DDX10: variants seen among roughly 807,000 people sequenced by gnomAD.
DDX10 encodes DEAD-box helicase 10.
Under a neutral mutation model 104.3 loss-of-function variants are expected in DDX10, and 74 were observed. The observed-to-expected ratio is 0.71, with a 90% CI of 0.59 to 0.86. The LOEUF is 0.86. Among genes scored for constraint, DDX10 ranks in the 40% least tolerant of loss-of-function variants. DDX10 has a pLI of 0.00. For missense variants in DDX10, 952 were observed against 1,040.0 expected (o/e 0.92, Z 1.16); for synonymous variants, 351 against 353.4 (o/e 0.99, Z 0.08).
At chr11:108,752,071 G>A (rs2094339413) in intron 13 of DDX10, among the ~76,000 whole-genome samples, 3 of 152,080 alleles carry the variant, frequency 2.0e-5, no homozygotes, top group African/African-American at 7.2e-5. Context: ...CTCTCCATGG[G>A]GTAGGTGGAG....
chr11:108,777,585 A>G (rs2094371761), intron 13 of DDX10, among the ~76,000 whole-genome samples: 2 of 152,160 alleles, frequency 1.3e-5, no homozygotes, highest in Admixed American at 6.5e-5. Flanking sequence ...AGCCTCCTGA[A>G]GTGCTGGGAT....
At chr11:108,916,779 T>C (rs1863756535) in intron 16 of DDX10, among the ~76,000 whole-genome samples, 1 of 152,194 alleles carries the variant, frequency 6.6e-6, no homozygotes, top group Non-Finnish European at 1.5e-5. Context: ...GAAATAAATT[T>C]GTCGTGTGAT....
chr11:108,696,255 C>T (rs1393433754), intron 9 of DDX10, among the ~76,000 whole-genome samples: 2 of 152,128 alleles, frequency 1.3e-5, no homozygotes, highest in African/African-American at 4.8e-5. Flanking sequence ...CAGCTCACTG[C>T]AACCTCCGCC....
In DDX10 at chr11:108,675,579, T is replaced by G; in HGVS notation, c.248-17T>G. ...CAGGGATCTTCTAAAGTATAATTCT[T>G]CCCTCCATGTTGCCAGGTTTGCAAG... On this transcript the variant is annotated splice_polypyrimidine_tract_variant and intron_variant, in intron 2 of 17. Coordinates refer to ENST00000322536, the MANE Select transcript of DDX10 (RefSeq NM_004398.4). 6.2e-7 allele frequency: 1 copy of G among 1,612,138 alleles called. No homozygotes were observed. Among genetic ancestry groups the G allele is most frequent in the Non-Finnish European group, 8.5e-7 (1 of 1,179,234 alleles).
At chr11:108,851,891 G>A (rs564074869) in intron 15 of DDX10, among the ~76,000 whole-genome samples, 44 of 152,154 alleles carry the variant, frequency 2.9e-4, no homozygotes, top group African/African-American at 9.2e-4. Context: ...CTGTTAGTGT[G>A]TGTTTTATTT....
At chr11:108,762,142 G>A (rs1344048497) in intron 13 of DDX10, among the ~76,000 whole-genome samples, 2 of 152,066 alleles carry the variant, frequency 1.3e-5, no homozygotes, top group Non-Finnish European at 1.5e-5. Flanking sequence ...TGATGCCTTG[G>A]GGTATTTTTA....
chr11:108,760,173 C>G (rs189468150), intron 13 of DDX10, among the ~76,000 whole-genome samples: 15 of 152,068 alleles, frequency 9.9e-5, no homozygotes, highest in Admixed American at 7.9e-4. Flanking sequence ...TGATTCCCCC[C>G]CCACCCTTAG....
intron 13 of DDX10, among the ~76,000 whole-genome samples, chr11:108,808,322 T>C (rs1391655128): frequency 6.6e-6 from 1 of 151,726 alleles, no homozygotes; most frequent in Non-Finnish European, 1.5e-5. Flanking sequence ...AGTCAAAAAA[T>C]GCTGAGCAGT....
chr11:108,678,113 C>T (rs985561391), intron 4 of DDX10, among the ~76,000 whole-genome samples: 1 of 152,084 alleles, frequency 6.6e-6, no homozygotes, highest in Non-Finnish European at 1.5e-5. Flanking sequence ...GAACTCTGAG[C>T]TCCTTATGTC....
intron 13 of DDX10, among the ~76,000 whole-genome samples, chr11:108,758,228 C>A (rs745753029): frequency 6.6e-6 from 1 of 152,008 alleles, no homozygotes; most frequent in Non-Finnish European, 1.5e-5. Context: ...CAGGTTCATG[C>A]TCAGTGGGTT....
intron 13 of DDX10, among the ~76,000 whole-genome samples, chr11:108,731,512 GTTTC>G (rs1263637673): frequency 7.0e-6 from 1 of 142,422 alleles, no homozygotes; most frequent in Non-Finnish European, 1.5e-5. Flanking sequence ...TCTCAATTGG[GTTTC>G]TTTTTTTTTT....
intron 13 of DDX10, among the ~76,000 whole-genome samples, chr11:108,827,905 T>A (rs1281204860): frequency 2.0e-5 from 3 of 152,216 alleles, no homozygotes; most frequent in African/African-American, 7.2e-5. Flanking sequence ...TAAAATTTCA[T>A]CTTTATTTGT....
intron 13 of DDX10, among the ~76,000 whole-genome samples, chr11:108,786,855 G>A (rs1861801356): frequency 6.6e-6 from 1 of 152,160 alleles, no homozygotes; most frequent in African/African-American, 2.4e-5. Context: ...TTCAGGATTA[G>A]TACGATATAT....
intron 16 of DDX10, among the ~76,000 whole-genome samples, chr11:108,869,198 T>TG (rs1190718778): frequency 1.2e-4 from 1 of 8,352 alleles, no homozygotes; most frequent in Non-Finnish European, 3.2e-4. Flanking sequence ...AAACCCGTTG[T>TG]TTTTTTTTTT....
At chr11:108,822,902 C>A (rs546321656) in intron 13 of DDX10, among the ~76,000 whole-genome samples, 3 of 152,128 alleles carry the variant, frequency 2.0e-5, no homozygotes, top group African/African-American at 4.8e-5. Context: ...TATTGCTTCT[C>A]GGCTATTTGG....
chr11:108,702,256 A>T (rs1161888847), intron 9 of DDX10, among the ~76,000 whole-genome samples: 1 of 151,800 alleles, frequency 6.6e-6, no homozygotes, highest in Admixed American at 6.6e-5. Flanking sequence ...ATTCTAGACA[A>T]TAATGACAAA....
intron 13 of DDX10, among the ~76,000 whole-genome samples, chr11:108,811,056 T>A (rs1430592390): frequency 6.6e-6 from 1 of 152,190 alleles, no homozygotes; most frequent in Non-Finnish European, 1.5e-5. Context: ...TCCTTAGTGA[T>A]CCCTGTAGGA....
intron 13 of DDX10, among the ~76,000 whole-genome samples, chr11:108,756,650 G>C (rs2094344762): frequency 6.6e-6 from 1 of 152,058 alleles, no homozygotes; most frequent in Non-Finnish European, 1.5e-5. Context: ...AAGTGTGCTA[G>C]AGCTGTGTAT....
At chr11:108,901,435 T>C (rs1863515781) in intron 16 of DDX10, among the ~76,000 whole-genome samples, 1 of 152,204 alleles carries the variant, frequency 6.6e-6, no homozygotes, top group Non-Finnish European at 1.5e-5. Context: ...TAGCTAACTT[T>C]TCATTATAGA....
Sources: allele counts gnomAD v4.1 joint callset (sites outside exome capture counted in the v4.1 genomes callset), GRCh38; gene constraint gnomAD v4.1.1; transcripts MANE v1.5; gene names NCBI Gene and HGNC (gene_info 2026-07-23, HGNC 2026-07-21).